Variants in MOV10L1 observed in about 807,000 individuals in gnomAD.
The protein encoded by MOV10L1 is Mov10 like RNA helicase 1.
MOV10L1 carries 110 observed loss-of-function variants against 143.8 expected under a neutral mutation model. That is an observed-to-expected ratio of 0.76 (90% CI 0.66 to 0.90). MOV10L1 has a LOEUF of 0.90. Among genes scored for constraint, MOV10L1 ranks in the 40% least tolerant of loss-of-function variants. The probability of loss-of-function intolerance (pLI) is 0.00; values close to 1 mark genes in which losing one functional copy is unlikely to be tolerated. For missense variants in MOV10L1, 1,406 were observed against 1,526.8 expected (o/e 0.92, Z 1.32); for synonymous variants, 593 against 581.1 (o/e 1.02, Z -0.29).
intron 14 of MOV10L1, among the ~76,000 whole-genome samples, chr22:50,134,300 C>T (rs2062760031): frequency 6.7e-6 from 1 of 150,292 alleles, no homozygotes; most frequent in African/African-American, 2.4e-5. Context: ...GCTCGCTTTT[C>T]CCTTCATAAA....
intron 5 of MOV10L1, 162 bp from the exon 6 acceptor site, chr22:50,113,486 G>A: frequency 1.1e-6 from 1 of 885,984 alleles, no homozygotes; most frequent in Non-Finnish European, 1.7e-6. Flanking sequence ...CTCTTCCTTA[G>A]GGTTTGCCAT....
intron 22 of MOV10L1, among the ~76,000 whole-genome samples, chr22:50,155,633 G>A (rs2063406178): frequency 6.6e-6 from 1 of 152,148 alleles, no homozygotes; most frequent in Admixed American, 6.5e-5. Context: ...CTGCCACCAC[G>A]TCCGGCTAAT....
Position 50,108,687 on chromosome 22 carries a change from G to C in MOV10L1, c.586G>C (p.Gly196Arg). 1 of 1,614,174 alleles carries C rather than the reference G, an allele frequency of 6.2e-7. No homozygotes were observed. The highest frequency in any genetic ancestry group is 8.5e-7 in the Non-Finnish European group (1 of 1,180,028). The part of the protein sequence containing the change: ...VCISSLCGRN[G>R]VLEESIFFTL... Reference sequence around the variant, plus strand: ...CATCTCTAGCCTCTGTGGAAGGAACGGGGTGTTAGAGGAAAGCATCTTCTT... The same window carrying C: ...CATCTCTAGCCTCTGTGGAAGGAACCGGGTGTTAGAGGAAAGCATCTTCTT... The change falls in exon 5 of 27, where the codon GGG (glycine) becomes CGG (arginine). Residue 196 changes from glycine (G) to arginine (R), a missense_variant. By Grantham distance (125) the Gly-to-Arg change is moderately radical. This residue lies in a region of MOV10L1 where 1,233 missense variants were observed against 1,351.4 expected (regional missense o/e 0.91). Coordinates refer to ENST00000262794, the MANE Select transcript of MOV10L1 (RefSeq NM_018995.3).
intron 12 of MOV10L1, among the ~76,000 whole-genome samples, chr22:50,128,096 C>T: frequency 6.6e-6 from 1 of 152,140 alleles, no homozygotes; most frequent in East Asian, 1.9e-4. Context: ...GGCTTCCTTA[C>T]AGTAGGTAAC....
At chr22:50,144,822 C>T (rs2063100974) in intron 18 of MOV10L1, among the ~76,000 whole-genome samples, 1 of 152,080 alleles carries the variant, frequency 6.6e-6, no homozygotes, top group South Asian at 2.1e-4. Flanking sequence ...ACCTCATGAT[C>T]TGCCCGCCTC....
Position 50,149,627 on chromosome 22 carries a change from C to G in MOV10L1, c.2640C>G (p.Phe880Leu). The G allele has an allele frequency of 6.2e-7, 1 of 1,614,158 alleles. No homozygotes were observed. Among genetic ancestry groups the G allele is most frequent in the Non-Finnish European group, 8.5e-7 (1 of 1,179,994 alleles). ...ATCTTTGCTCTAGAGTTGGGCACTT[C>G]ACTCACGTGTTTGTGGACGAGGCTG... The part of the protein sequence containing the change: ...FYQIGVRVGH[F>L]THVFVDEAGQ... Residue 880 changes from phenylalanine (F) to leucine (L), a missense_variant, in exon 20 of 27, where the codon TTC becomes TTG. Transcript: ENST00000262794.
intron 12 of MOV10L1, 83 bp downstream of exon 12, chr22:50,126,355 T>C: frequency 2.0e-6 from 2 of 1,007,850 alleles, no homozygotes; most frequent in South Asian, 2.9e-5. Flanking sequence ...CCACGGCTCT[T>C]GGGGAGATGC....
rs1298414883 is a variant in MOV10L1, at chr22:50,090,071, C to G, written c.-18C>G. 8.9e-6 allele frequency: 11 copies of G among 1,233,468 alleles called. No homozygotes were observed. In the African/African-American group the frequency reaches 1.4e-4, roughly 15 times the overall value. The allele number at this position is 1,233,468 out of a possible 1,614,324, so 76.4% of individuals were successfully genotyped here. A position where few individuals can be genotyped will look rare whatever the true frequency, so the allele number is the denominator to read the frequency against. On this transcript the variant is annotated 5_prime_UTR_variant, in exon 1 of 27. Transcript: ENST00000262794. The stretch of plus-strand genomic sequence containing the variant: ...CGGCGGCAGCGGCGGTGACGGCAGC[C>G]TAGGCCGGGCGAGGGCCATGCTGAG...
intron 13 of MOV10L1, among the ~76,000 whole-genome samples, chr22:50,130,216 G>A (rs1009718810): frequency 2.6e-5 from 4 of 151,910 alleles, no homozygotes; most frequent in African/African-American, 9.7e-5. Flanking sequence ...CGGAGGTTGC[G>A]GTGAGCTGAG....
chr22:50,154,049 CTG>C (rs2063363662), intron 22 of MOV10L1, among the ~76,000 whole-genome samples: 1 of 152,204 alleles, frequency 6.6e-6, no homozygotes. Flanking sequence ...GGGAGAAAAT[CTG>C]TCTGTGATCT....
chr22:50,114,276 T>C (rs2062107170), intron 6 of MOV10L1, 105 bp from the exon 7 acceptor site: 1 of 1,332,820 alleles, frequency 7.5e-7, no homozygotes, highest in South Asian at 1.4e-5. Flanking sequence ...TTCATAAGTG[T>C]ATTTGCAGTC....
intron 2 of MOV10L1, among the ~76,000 whole-genome samples, chr22:50,099,179 G>A (rs920356072): frequency 6.6e-6 from 1 of 152,214 alleles, no homozygotes; most frequent in African/African-American, 2.4e-5. Context: ...CTTATTAGGA[G>A]GCTTTGGTGG....
rs111970512 is a variant in MOV10L1, at chr22:50,145,432, T to C, written c.2506-257T>C. On this transcript the variant is annotated intron_variant, in intron 18 of 26. Transcript: ENST00000262794. ...GCAAGAGCAAGACTCCCTCTCTAAATAAACAAACAAACAAACTGAATAGAA... is the reference window on the plus strand; with the variant it reads ...GCAAGAGCAAGACTCCCTCTCTAAACAAACAAACAAACAAACTGAATAGAA... Among the ~76,000 whole-genome samples, 1,282 of 152,202 alleles carry C rather than the reference T, an allele frequency of 8.4e-3. 13 individuals are homozygous for C. Among genetic ancestry groups the C allele is most frequent in the African/African-American group, 0.029 (1,206 of 41,530 alleles).
At position 50,152,912 on chromosome 22, in the gene MOV10L1, C is replaced by A; in HGVS notation, c.2893-133C>A. 1.2e-6 allele frequency: 1 copy of A among 868,972 alleles called. No homozygotes were observed. The highest frequency in any genetic ancestry group is 1.8e-6 in the Non-Finnish European group (1 of 559,400). The allele number at this position is 868,972 out of a possible 1,614,324, so 53.8% of individuals were successfully genotyped here. On this transcript the variant is annotated intron_variant, in intron 21 of 26. Transcript: ENST00000262794. The surrounding 1 kb of genome is among the most constrained non-coding windows in gnomAD (Gnocchi z 4.4). Reference sequence around the variant, plus strand: ...GCTTGGTCTGGGGGCAGGCGACACACAGGGGCGCAGGAGCAGAGTCAGGCT... The same window carrying A: ...GCTTGGTCTGGGGGCAGGCGACACAAAGGGGCGCAGGAGCAGAGTCAGGCT...
chr22:50,118,965 A>T (rs2062258121), intron 9 of MOV10L1, among the ~76,000 whole-genome samples: 1 of 152,302 alleles, frequency 6.6e-6, no homozygotes, highest in Middle Eastern at 3.4e-3. Context: ...AAGGGGCTGT[A>T]GGGATGTAAC....
chr22:50,157,831 C>T (rs570741770), intron 22 of MOV10L1, among the ~76,000 whole-genome samples: 1 of 150,966 alleles, frequency 6.6e-6, no homozygotes, highest in Admixed American at 6.6e-5. Flanking sequence ...ACCTGAGTGG[C>T]GGACTCCTGT....
At chr22:50,099,979 T>TTTTCTG in intron 3 of MOV10L1, among the ~76,000 whole-genome samples, 1 of 151,338 alleles carries the variant, frequency 6.6e-6, no homozygotes, top group African/African-American at 2.4e-5. Flanking sequence ...CTGTTTTGTT[T>TTTTCTG]TTTTTGTTTT....
At chr22:50,154,084 A>G (rs1374112454) in intron 22 of MOV10L1, among the ~76,000 whole-genome samples, 1 of 152,202 alleles carries the variant, frequency 6.6e-6, no homozygotes, top group Admixed American at 6.5e-5. Context: ...GGGATGGGAT[A>G]TGTGTATGGC....
At chr22:50,155,611 G>A (rs1045723230) in intron 22 of MOV10L1, among the ~76,000 whole-genome samples, 2 of 152,176 alleles carry the variant, frequency 1.3e-5, no homozygotes, top group Non-Finnish European at 2.9e-5. Flanking sequence ...AAGGATCTGG[G>A]ACCACAGGTG....
Sources: gnomAD v4.1 joint callset for allele counts (sites outside exome capture counted in the v4.1 genomes callset) on GRCh38, gnomAD v4.1.1 for gene constraint, gnomAD v4.1.1 regional missense constraint, Gnocchi (gnomAD v3.1) non-coding constraint, MANE v1.5 for transcripts, NCBI Gene and HGNC (gene_info 2026-07-23, HGNC 2026-07-21) for gene names.